The following ZSCAN10 variants were observed in gnomAD, a reference collection of about 807,000 sequenced individuals.
ZSCAN10 encodes the protein zinc finger and SCAN domain-containing protein 10.
Under a neutral mutation model 63.7 loss-of-function variants are expected in ZSCAN10, and 52 were observed. The ratio of observed to expected loss-of-function variants is 0.82; its 90% CI spans 0.65 to 1.03. The LOEUF (loss-of-function observed/expected upper bound fraction) is 1.03. Among genes scored for constraint, ZSCAN10 ranks in the 50% least tolerant of loss-of-function variants. ZSCAN10 has a pLI of 0.00. For synonymous variants in ZSCAN10, 544 were observed against 479.6 expected (o/e 1.13, Z -1.76); for missense variants, 1,223 against 1,103.8 (o/e 1.11, Z -1.53).
chr16:3,097,964 A>C (rs966699679), intron 1 of ZSCAN10, among the ~76,000 whole-genome samples: 1 of 148,916 alleles, frequency 6.7e-6, no homozygotes, highest in Non-Finnish European at 1.5e-5. Flanking sequence ...GATTGCTTGA[A>C]CCTGGGGGGT....
At chr16:3,094,027 T>C (rs1957123774) in intron 1 of ZSCAN10, among the ~76,000 whole-genome samples, 1 of 152,132 alleles carries the variant, frequency 6.6e-6, no homozygotes, top group Admixed American at 6.6e-5. Flanking sequence ...TTATTTATTT[T>C]TTTGAGACAG....
chr16:3,091,580 C>G lies in ZSCAN10; in HGVS notation c.747G>C (p.Glu249Asp), dbSNP rs762690130. ...GCCACGCCTTATTCTCTGGCACATC[C>G]TCAAAGGTCAGGCACTCCTGTATCA... Reference protein sequence around the residue: ...LAAVLECLTFEDVPENKAWPA... With the variant: ...LAAVLECLTFDDVPENKAWPA... The change falls in exon 5 of 6, where the codon GAG (glutamate) becomes GAC (aspartate). Residue 249 changes from glutamate to aspartate, a missense_variant. Physicochemically the swap from Glu to Asp is conservative, Grantham distance 45. Coordinates refer to ENST00000576985, the MANE Select transcript of ZSCAN10 (RefSeq NM_032805.3). 1.7e-5 allele frequency: 28 copies of G among 1,614,108 alleles called. No homozygotes were observed. Among genetic ancestry groups the G allele is most frequent in the Middle Eastern group, 3.3e-4 (2 of 6,082 alleles).
At chr16:3,090,743 G>T in intron 5 of ZSCAN10, 97 bp from the exon 6 acceptor site, 1 of 1,388,662 alleles carries the variant, frequency 7.2e-7, no homozygotes, top group Non-Finnish European at 9.5e-7. Context: ...AGAAACCCAG[G>T]ATCCTGCAAA....
Position 3,089,971 on chromosome 16 carries a change from C to A in ZSCAN10, c.1463G>T (p.Arg488Leu). ...CSHCGQSFQR[R>L]SSLKRHLRIH... ...CCGCAGGTGGCGCTTGAGGCTGGAG[C>A]GGCGCTGGAAGCTCTGGCCGCAGTG... The change falls in exon 6 of 6, where the codon CGC becomes CTC. Residue 488 changes from arginine to leucine, a missense_variant. By Grantham distance (102) the Arg-to-Leu change is moderately radical. Transcript: ENST00000576985. The A allele has an allele frequency of 6.5e-7, 1 of 1,545,000 alleles. No individual in the cohort carries two copies. Among genetic ancestry groups the A allele is most frequent in the Non-Finnish European group, 8.7e-7 (1 of 1,148,136 alleles).
chr16:3,096,847 T>TG (rs914960082), intron 1 of ZSCAN10, among the ~76,000 whole-genome samples: 11 of 151,176 alleles, frequency 7.3e-5, no homozygotes, highest in African/African-American at 2.7e-4. Flanking sequence ...GAGAATTGCT[T>TG]GAACCTGGGA....
Position 3,092,277 on chromosome 16 carries a change from C to G in ZSCAN10, c.436G>C (p.Asp146His). The G allele has an allele frequency of 6.2e-7, 1 of 1,612,334 alleles. No homozygotes were observed. The highest frequency in any genetic ancestry group is 8.5e-7 in the Non-Finnish European group (1 of 1,179,528). ...CNAGKSCPRA[D>H]VTLEEKGCAS... ...CACCCCTTTTCCTCCAAGGTGACGT[C>G]TGCACGGGGACAACTCTTGCCAGCA... Residue 146 changes from aspartate to histidine, a missense_variant, in exon 3 of 6, where the codon GAC becomes CAC. By Grantham distance (81) the Asp-to-His change is moderately conservative. Transcript: ENST00000576985.
chr16:3,092,595 C>A lies in ZSCAN10; in HGVS notation c.343G>T (p.Val115Leu). The A allele has an allele frequency of 6.3e-7, 1 of 1,594,396 alleles. No homozygotes were observed. Among genetic ancestry groups the A allele is most frequent in the Non-Finnish European group, 8.5e-7 (1 of 1,171,238 alleles). ...QGQPLRDGEE[V>L]VLLLEGIHRE... is the part of the protein sequence containing the mutation. ...TGGATGCCCTCGAGCAGCAGCACCA[C>A]CTCCTCCCCATCCCTGAGCGGCTGC... The change falls in exon 2 of 6, where the codon GTG (valine) becomes TTG (leucine). Residue 115 changes from valine (V) to leucine (L), a missense_variant. Physicochemically the swap from Val to Leu is conservative, Grantham distance 32. Transcript: ENST00000576985.
chr16:3,098,185 C>T (rs932489009), intron 1 of ZSCAN10, among the ~76,000 whole-genome samples: 1 of 151,984 alleles, frequency 6.6e-6, no homozygotes, highest in Non-Finnish European at 1.5e-5. Flanking sequence ...AATCACTGCT[C>T]ATCCATTGCC....
Position 3,090,270 on chromosome 16 carries a change from G to C in ZSCAN10, c.1164C>G (p.Ser388Arg). The change falls in exon 6 of 6, where the codon AGC (serine) becomes AGG (arginine). Residue 388 changes from serine (S) to arginine (R), a missense_variant. Transcript: ENST00000576985. ...TGCGCATGTGCAGCTTGAGAATGGA[G>C]CTGCGGCCGAAGCTCTTCCCGCAGC... ...CLCCGKSFGR[S>R]SILKLHMRTH... 6.2e-7 allele frequency: 1 copy of C among 1,608,788 alleles called. No individual in the cohort carries two copies. Among genetic ancestry groups the C allele is most frequent in the Non-Finnish European group, 8.5e-7 (1 of 1,179,422 alleles).
chr16:3,089,560 T>A lies in ZSCAN10; in HGVS notation c.1874A>T (p.Gln625Leu). The A allele has an allele frequency of 6.3e-7, 1 of 1,596,050 alleles. No individual in the cohort carries two copies. The highest frequency in any genetic ancestry group is 8.5e-7 in the Non-Finnish European group (1 of 1,171,982). The change falls in exon 6 of 6, where the codon CAG (glutamine) becomes CTG (leucine). Residue 625 changes from glutamine to leucine, a missense_variant. Coordinates refer to ENST00000576985, the MANE Select transcript of ZSCAN10 (RefSeq NM_032805.3). ...GGGCTTCTCGCCCGTGTGGCTGCGC[T>A]GGTGGCGGGCCAGATCCTGGGTCTG... ...FGQTQDLARH[Q>L]RSHTGEKPCR...
At chr16:3,099,005 C>T (rs1957189804) in intron 1 of ZSCAN10, among the ~76,000 whole-genome samples, 185 bp downstream of exon 1, 2 of 152,214 alleles carry the variant, frequency 1.3e-5, no homozygotes, top group African/African-American at 2.4e-5. Flanking sequence ...CCCAACGCCC[C>T]CATCGCGACA....
chr16:3,089,326 G>A lies in ZSCAN10; in HGVS notation c.2108C>T (p.Ala703Val). ...GGTAGCCAGGTGCCGCCGCAGATGC[G>A]CGTTGCGCCGGAAGCTGCGACCGCA... Reference protein sequence around the residue: ...QTCGRSFRRNAHLRRHLATHA... With the variant: ...QTCGRSFRRNVHLRRHLATHA... Residue 703 changes from alanine to valine, a missense_variant, in exon 6 of 6, where the codon GCG (alanine) becomes GTG (valine). Physicochemically the swap from Ala to Val is moderately conservative, Grantham distance 64. Coordinates refer to ENST00000576985, the MANE Select transcript of ZSCAN10 (RefSeq NM_032805.3). 1 of 1,583,818 alleles carries A rather than the reference G, an allele frequency of 6.3e-7. No individual in the cohort carries two copies. The highest frequency in any genetic ancestry group is 1.3e-5 in the African/African-American group (1 of 74,174).
intron 1 of ZSCAN10, among the ~76,000 whole-genome samples, chr16:3,097,550 C>T (rs1406560844): frequency 6.6e-6 from 1 of 152,144 alleles, no homozygotes; most frequent in Non-Finnish European, 1.5e-5. Context: ...AGTGAGAAAT[C>T]CAGATTTCAA....
chr16:3,095,147 G>T (rs1957137425), intron 1 of ZSCAN10, among the ~76,000 whole-genome samples: 1 of 151,918 alleles, frequency 6.6e-6, no homozygotes, highest in South Asian at 2.1e-4. Flanking sequence ...GGGAGGCTGA[G>T]GCAGGAGGAT....
In ZSCAN10 at chr16:3,089,963, G is replaced by C; in HGVS notation, c.1471C>G (p.Leu491Val). 1 of 1,543,930 alleles carries C rather than the reference G, an allele frequency of 6.5e-7. No homozygotes were observed. The highest frequency in any genetic ancestry group is 8.7e-7 in the Non-Finnish European group (1 of 1,147,574). The change falls in exon 6 of 6, where the codon CTC (leucine) becomes GTC (valine). Residue 491 changes from leucine (L) to valine (V), a missense_variant. Transcript: ENST00000576985. The stretch of plus-strand genomic sequence containing the variant: ...GCGTGGATCCGCAGGTGGCGCTTGA[G>C]GCTGGAGCGGCGCTGGAAGCTCTGG... The part of the protein sequence containing the change: ...CGQSFQRRSS[L>V]KRHLRIHARD...
rs772464755 is a variant in ZSCAN10 at position 3,089,310 on chromosome 16, G to A, written c.2124C>T (p.His708=). 1.3e-6 allele frequency: 2 copies of A among 1,572,256 alleles called. No homozygotes were observed. The highest frequency in any genetic ancestry group is 1.8e-5 in the Admixed American group (1 of 56,256). The stretch of plus-strand genomic sequence containing the variant: ...GCCCGGGCTCCGCATGGGTAGCCAG[G>A]TGCCGCCGCAGATGCGCGTTGCGCC... ...SFRRNAHLRR[H]LATHAEPGQE... is the part of the protein sequence containing the mutation. The change falls in exon 6 of 6, where the codon CAC becomes CAT. Residue 708 remains histidine, a synonymous_variant. Coordinates refer to ENST00000576985, the MANE Select transcript of ZSCAN10 (RefSeq NM_032805.3).
Position 3,092,049 on chromosome 16 carries a change from T to G in ZSCAN10, c.664A>C (p.Ser222Arg). 1 of 1,557,108 alleles carries G rather than the reference T, an allele frequency of 6.4e-7. No homozygotes were observed. The highest frequency in any genetic ancestry group is 8.7e-7 in the Non-Finnish European group (1 of 1,151,232). The change falls in exon 3 of 6, where the codon AGT becomes CGT. Residue 222 changes from serine (S) to arginine (R), a missense_variant and splice_region_variant. By Grantham distance (110) the Ser-to-Arg change is moderately radical (BLOSUM62 -1). Coordinates refer to ENST00000576985, the MANE Select transcript of ZSCAN10 (RefSeq NM_032805.3). ...GCCTCCTAGGGCACAAGCTCCTCAC[T>G]GCTTTCTTGCAGGGCCTGGAATGTC... ...QKTFQALQESSPQGPSPWPEE... is the reference protein window; with the variant it reads ...QKTFQALQESRPQGPSPWPEE...
At chr16:3,093,332 C>T (rs1441270047) in intron 1 of ZSCAN10, 1 of 157,038 alleles carries the variant, frequency 6.4e-6, no homozygotes, top group African/African-American at 2.4e-5. Context: ...TCGAGACCAT[C>T]CTGGCTAACG....
Position 3,091,549 on chromosome 16 carries a change from G to A in ZSCAN10, c.778C>T (p.His260Tyr), listed in dbSNP as rs1294572033. The A allele has an allele frequency of 6.2e-7, 1 of 1,614,202 alleles. No individual in the cohort carries two copies. The highest frequency in any genetic ancestry group is 8.5e-7 in the Non-Finnish European group (1 of 1,180,022). Residue 260 changes from histidine (H) to tyrosine (Y), a missense_variant, in exon 5 of 6, where the codon CAC (histidine) becomes TAC (tyrosine). His to Tyr is a moderately conservative substitution (Grantham distance 83, BLOSUM62 2). Coordinates refer to ENST00000576985, the MANE Select transcript of ZSCAN10 (RefSeq NM_032805.3). Reference protein sequence around the residue: ...DVPENKAWPAHPLGFGSRTPD... With the variant: ...DVPENKAWPAYPLGFGSRTPD... ...GGGAAGGGTTGCTTACCCAGGGGGT[G>A]TGCAGGCCACGCCTTATTCTCTGGC...
Sources: allele counts gnomAD v4.1 joint callset (sites outside exome capture counted in the v4.1 genomes callset), GRCh38; gene constraint gnomAD v4.1.1; transcripts MANE v1.5; gene names NCBI Gene and HGNC (gene_info 2026-07-23, HGNC 2026-07-21).